The following NHSL1 variants were observed in gnomAD, a reference collection of about 807,000 sequenced individuals.
NHSL1 encodes NHS like 1.
In NHSL1, 48 loss-of-function variants were observed where a neutral mutation model predicts 95.0. That is an observed-to-expected ratio of 0.51 (90% confidence interval 0.40 to 0.64). NHSL1 has a LOEUF of 0.64. NHSL1 is among the 30% of genes least tolerant of loss of function. NHSL1 has a pLI of 0.00. For synonymous variants in NHSL1, 783 were observed against 833.9 expected, an observed-to-expected ratio of 0.94 and a Z score of 1.05; for missense variants, 1,971 against 2,077.7, an observed-to-expected ratio of 0.95 and a Z score of 1.00.
intron 1 of NHSL1, among the ~76,000 whole-genome samples, chr6:138,651,302 C>G (rs1017917522): frequency 2.6e-5 from 4 of 152,154 alleles, no homozygotes; most frequent in Admixed American, 6.5e-5. Flanking sequence ...CAAAGAAACT[C>G]ACAAAATAAA....
In NHSL1 at chr6:138,504,945, A is replaced by T. The variant is rs113634980; in HGVS notation, c.17-8574T>A. On this transcript the variant is annotated intron_variant, in intron 1 of 4. Transcript: ENST00000342260. ...CCTAAAGTATAAAGTTCAAAAAATT[A>T]AACCTTGGCCACTTAAATAAATGAC... Among the ~76,000 whole-genome samples the T allele has an allele frequency of 9.5e-4, 145 of 152,346 alleles. 1 individual carries two copies. Among genetic ancestry groups the T allele is most frequent in the African/African-American group, 3.1e-3 (130 of 41,576 alleles).
chr6:138,508,536 T>C (rs1781072883), intron 1 of NHSL1, among the ~76,000 whole-genome samples: 1 of 152,234 alleles, frequency 6.6e-6, no homozygotes, highest in Non-Finnish European at 1.5e-5. Flanking sequence ...CCAGCATCTG[T>C]ACTGATACCC....
intron 2 of NHSL1, 64 bp downstream of exon 2, chr6:138,496,155 T>G: frequency 6.7e-7 from 1 of 1,490,538 alleles, no homozygotes; most frequent in Non-Finnish European, 9.1e-7. Flanking sequence ...TAAATAGATA[T>G]CAAATTTATG....
intron 1 of NHSL1, among the ~76,000 whole-genome samples, chr6:138,676,685 A>G (rs1216252433): frequency 2.0e-5 from 3 of 152,106 alleles, no homozygotes; most frequent in Non-Finnish European, 4.4e-5. Context: ...GACTGAGTCT[A>G]GCTCTGTCAC....
At chr6:138,642,315 A>T (rs1784969540) in intron 1 of NHSL1, among the ~76,000 whole-genome samples, 1 of 152,226 alleles carries the variant, frequency 6.6e-6, no homozygotes, top group Non-Finnish European at 1.5e-5. Context: ...GCAATTTTAT[A>T]CACACATGCA....
At chr6:138,439,543 T>G (rs891832589) in intron 5 of NHSL1, among the ~76,000 whole-genome samples, 1 of 152,222 alleles carries the variant, frequency 6.6e-6, no homozygotes, top group African/African-American at 2.4e-5. Flanking sequence ...CAAATAAATA[T>G]GTAATCCAAT....
intron 1 of NHSL1, among the ~76,000 whole-genome samples, chr6:138,673,700 A>G (rs1335421299): frequency 6.6e-6 from 1 of 152,238 alleles, no homozygotes; most frequent in Admixed American, 6.5e-5. Context: ...TTGTTAAGAC[A>G]TGGCCACTTG....
chr6:138,605,831 G>A (rs76970495), intron 1 of NHSL1, among the ~76,000 whole-genome samples: 4,814 of 152,238 alleles, frequency 0.032, 233 homozygotes, highest in African/African-American at 0.1. Flanking sequence ...AAAATGGCCA[G>A]GTCTCTTGAA....
At chr6:138,477,320 T>G (rs1261570919) in intron 2 of NHSL1, among the ~76,000 whole-genome samples, 2 of 152,192 alleles carry the variant, frequency 1.3e-5, no homozygotes, top group Non-Finnish European at 2.9e-5. Context: ...AATTATAGGG[T>G]AGGGCATAGT....
chr6:138,523,961 T>A (rs1781797509), intron 1 of NHSL1, among the ~76,000 whole-genome samples: 1 of 152,226 alleles, frequency 6.6e-6, no homozygotes, highest in African/African-American at 2.4e-5. Flanking sequence ...ATGTGAATGA[T>A]CTCATTGAAC....
intron 1 of NHSL1, among the ~76,000 whole-genome samples, chr6:138,618,916 A>C (rs1391835880): frequency 6.6e-6 from 1 of 152,186 alleles, no homozygotes; most frequent in African/African-American, 2.4e-5. Context: ...CTCATTTCCA[A>C]GTCATTTGCC....
chr6:138,668,326 G>A (rs527802561), intron 1 of NHSL1, among the ~76,000 whole-genome samples: 14 of 152,134 alleles, frequency 9.2e-5, no homozygotes, highest in Middle Eastern at 3.4e-3. Context: ...GCCTGTAGTC[G>A]CAACTACTAG....
At chr6:138,445,059 AGATAG>A (rs1385981073) in intron 4 of NHSL1, among the ~76,000 whole-genome samples, 1 of 152,210 alleles carries the variant, frequency 6.6e-6, no homozygotes, top group African/African-American at 2.4e-5. Context: ...CTTAGTCATC[AGATAG>A]GATAGAATTA....
At chr6:138,650,459 C>T in intron 1 of NHSL1, 1 of 1,127,174 alleles carries the variant, frequency 8.9e-7, no homozygotes, top group Non-Finnish European at 1.3e-6. Flanking sequence ...TGGTGTGGCT[C>T]CGGATGGCCA....
At chr6:138,551,191 T>C (rs1375907719) in intron 1 of NHSL1, among the ~76,000 whole-genome samples, 3 of 152,214 alleles carry the variant, frequency 2.0e-5, no homozygotes, top group African/African-American at 4.8e-5. Flanking sequence ...AAGAAAAATA[T>C]AGTATATATA....
intron 1 of NHSL1, chr6:138,571,477 C>T: frequency 4.0e-6 from 2 of 494,948 alleles, no homozygotes; most frequent in East Asian, 3.7e-5. Flanking sequence ...CTGCCGAGAA[C>T]AAATAACAGC....
intron 1 of NHSL1, among the ~76,000 whole-genome samples, chr6:138,681,390 T>C (rs533647266): frequency 6.6e-6 from 1 of 152,350 alleles, no homozygotes; most frequent in South Asian, 2.1e-4. Flanking sequence ...TTACTGTCTA[T>C]TCAATAAATT....
chr6:138,505,652 C>CAA (rs10559023), intron 1 of NHSL1, among the ~76,000 whole-genome samples: 23 of 87,650 alleles, frequency 2.6e-4, no homozygotes, highest in East Asian at 1.0e-3. Context: ...GACTCCATTT[C>CAA]AAAAAAAAAA....
chr6:138,585,606 A>G (rs549528910), intron 1 of NHSL1, among the ~76,000 whole-genome samples: 18 of 152,274 alleles, frequency 1.2e-4, no homozygotes, highest in Non-Finnish European at 2.1e-4. Flanking sequence ...GTTCCATCCT[A>G]AAGTTTGTTT....
Sources: gnomAD v4.1 joint callset for allele counts (sites outside exome capture counted in the v4.1 genomes callset) on GRCh38, gnomAD v4.1.1 for gene constraint, MANE v1.5 for transcripts, NCBI Gene and HGNC (gene_info 2026-07-23, HGNC 2026-07-21) for gene names.